SEZ6L: variants seen among roughly 807,000 people sequenced by gnomAD.
SEZ6L encodes the protein seizure related 6 homolog like, also known as seizure 6-like protein.
In SEZ6L, 37 loss-of-function variants were observed where a neutral mutation model predicts 106.2. The observed-to-expected ratio is 0.35, with a 90% CI of 0.27 to 0.46. The LOEUF (loss-of-function observed/expected upper bound fraction) is 0.46, where lower values mean the gene tolerates loss of function less well. SEZ6L is among the 20% of genes least tolerant of loss of function. SEZ6L has a pLI of 1.00. For synonymous variants in SEZ6L, 541 were observed against 570.4 expected (o/e 0.95, Z 0.73); for missense variants, 1,172 against 1,332.8 (o/e 0.88, Z 1.88).
chr22:26,343,525 C>A (rs142985574), intron 10 of SEZ6L, among the ~76,000 whole-genome samples: 34 of 152,338 alleles, frequency 2.2e-4, no homozygotes, highest in African/African-American at 8.2e-4. Context: ...TCTTCAAATG[C>A]ATTATCTCCA....
At chr22:26,342,485 C>T (rs1038938609) in intron 10 of SEZ6L, among the ~76,000 whole-genome samples, 2 of 151,192 alleles carry the variant, frequency 1.3e-5, no homozygotes, top group African/African-American at 2.4e-5. Context: ...GTCAGGAGAT[C>T]GAGACCATCC....
At chr22:26,191,119 G>T (rs775962886) in intron 1 of SEZ6L, among the ~76,000 whole-genome samples, 20 of 152,148 alleles carry the variant, frequency 1.3e-4, no homozygotes, top group Non-Finnish European at 7.3e-5. Context: ...TTGAGCAATA[G>T]GTCCATGCCA....
chr22:26,348,703 A>AAAGAAAGAAAGAAAGG lies in SEZ6L; in HGVS notation c.2407+791_2407+792insAGAAAGAAAGAAAGGA, dbSNP rs1207033331. 8.9e-4 allele frequency among the ~76,000 whole-genome samples: 37 copies of AAAGAAAGAAAGAAAGG among 41,480 alleles called. 2 individuals are homozygous for AAAGAAAGAAAGAAAGG. The highest frequency in any genetic ancestry group is 4.2e-3 in the African/African-American group (37 of 8,870). The allele number at this position is 41,480 out of a possible 152,430, so 27.2% of individuals were successfully genotyped here. On this transcript the variant is annotated intron_variant, in intron 11 of 16. Transcript: ENST00000248933. ...GAAAGAAAGAAAGAAAGAAAGAAAG[A>AAAGAAAGAAAGAAAGG]AGGCAAGGGAGGGAAGGGAGGGAAG...
chr22:26,229,023 G>A (rs2078719098), intron 1 of SEZ6L, among the ~76,000 whole-genome samples: 1 of 152,162 alleles, frequency 6.6e-6, no homozygotes, highest in Non-Finnish European at 1.5e-5. Context: ...TTTTGAGACA[G>A]AGTCTTGCCC....
At chr22:26,234,384 C>T (rs2078893818) in intron 1 of SEZ6L, among the ~76,000 whole-genome samples, 1 of 152,238 alleles carries the variant, frequency 6.6e-6, no homozygotes, top group African/African-American at 2.4e-5. Context: ...AATGTTCCAT[C>T]TGAAAGCCAG....
chr22:26,280,943 G>A (rs2080741426), intron 1 of SEZ6L, among the ~76,000 whole-genome samples: 1 of 152,080 alleles, frequency 6.6e-6, no homozygotes, highest in South Asian at 2.1e-4. Flanking sequence ...CATTTTTAAG[G>A]ATATAATACA....
intron 11 of SEZ6L, among the ~76,000 whole-genome samples, chr22:26,350,809 A>G (rs1177901771): frequency 6.6e-6 from 1 of 151,702 alleles, no homozygotes; most frequent in Admixed American, 6.6e-5. Flanking sequence ...GGCGCCCACC[A>G]CCAGGCCAGG....
intron 1 of SEZ6L, among the ~76,000 whole-genome samples, chr22:26,218,630 T>G (rs1021750526): frequency 2.6e-5 from 4 of 152,202 alleles, no homozygotes; most frequent in African/African-American, 9.6e-5. Context: ...GGTGAAACTC[T>G]GTCTCTACTA....
chr22:26,283,906 C>T (rs1257648558), intron 1 of SEZ6L, among the ~76,000 whole-genome samples: 3 of 152,162 alleles, frequency 2.0e-5, no homozygotes, highest in African/African-American at 7.2e-5. Flanking sequence ...CTGCGTTAGC[C>T]TTTAACTCTT....
At chr22:26,293,178 G>T in intron 2 of SEZ6L, 32 bp downstream of exon 2, 1 of 1,476,084 alleles carries the variant, frequency 6.8e-7, no homozygotes, top group South Asian at 1.4e-5. Flanking sequence ...AAGCCATCCT[G>T]AAACAGCCAT....
intron 1 of SEZ6L, among the ~76,000 whole-genome samples, chr22:26,272,381 T>A (rs1010263782): frequency 6.6e-6 from 1 of 152,206 alleles, no homozygotes; most frequent in African/African-American, 2.4e-5. Context: ...CTGCATGACA[T>A]CCCTCACTTT....
intron 10 of SEZ6L, among the ~76,000 whole-genome samples, chr22:26,347,018 G>C (rs1446395583): frequency 4.6e-5 from 7 of 150,726 alleles, no homozygotes; most frequent in Non-Finnish European, 1.0e-4. Context: ...ACATACAAGA[G>C]CTCATCTCTA....
intron 1 of SEZ6L, among the ~76,000 whole-genome samples, chr22:26,195,100 T>A (rs935609092): frequency 2.6e-5 from 4 of 152,188 alleles, no homozygotes; most frequent in African/African-American, 9.7e-5. Flanking sequence ...GTTCACTCTT[T>A]TGTCTGCTCT....
At chr22:26,332,134 G>C (rs2082498806) in intron 9 of SEZ6L, among the ~76,000 whole-genome samples, 1 of 148,502 alleles carries the variant, frequency 6.7e-6, no homozygotes, top group South Asian at 2.1e-4. Flanking sequence ...AGCTGGAAGA[G>C]AGGATTTTCA....
intron 1 of SEZ6L, among the ~76,000 whole-genome samples, chr22:26,205,632 G>A (rs1602026711): frequency 6.6e-6 from 1 of 151,874 alleles, no homozygotes; most frequent in South Asian, 2.1e-4. Context: ...TAACCTCTCC[G>A]CAGCAAAATC....
chr22:26,203,464 C>A (rs990495399), intron 1 of SEZ6L, among the ~76,000 whole-genome samples: 1 of 152,168 alleles, frequency 6.6e-6, no homozygotes, highest in Non-Finnish European at 1.5e-5. Context: ...TGGCAAGCAG[C>A]AAATATATAG....
chr22:26,237,747 G>A (rs2078995298), intron 1 of SEZ6L, among the ~76,000 whole-genome samples: 1 of 152,108 alleles, frequency 6.6e-6, no homozygotes, highest in African/African-American at 2.4e-5. Context: ...AGCCTCATCT[G>A]CCACCCACCC....
At chr22:26,183,863 C>T (rs1426414702) in intron 1 of SEZ6L, among the ~76,000 whole-genome samples, 1 of 152,152 alleles carries the variant, frequency 6.6e-6, no homozygotes, top group Non-Finnish European at 1.5e-5. Context: ...CAAATTAATT[C>T]CTTTGGGTCC....
chr22:26,332,016 G>A (rs1335321937), intron 9 of SEZ6L, among the ~76,000 whole-genome samples: 1 of 151,996 alleles, frequency 6.6e-6, no homozygotes, highest in African/African-American at 2.4e-5. Flanking sequence ...TTTAAAAAAC[G>A]ATGTCTGTAA....
Sources: gnomAD v4.1 joint callset for allele counts (sites outside exome capture counted in the v4.1 genomes callset) on GRCh38, gnomAD v4.1.1 for gene constraint, MANE v1.5 for transcripts, NCBI Gene and HGNC (gene_info 2026-07-23, HGNC 2026-07-21) for gene names.